CDH17: variants seen among roughly 807,000 people sequenced by gnomAD.
CDH17 encodes cadherin-17.
CDH17 carries 67 observed loss-of-function variants against 86.3 expected under a neutral mutation model. That is an observed-to-expected ratio of 0.78 (90% CI 0.64 to 0.95). CDH17 has a LOEUF of 0.95. Ranked by LOEUF, CDH17 falls within the 40% of genes least tolerant of loss-of-function variation. The pLI is 0.00. For synonymous variants in CDH17, 367 were observed against 366.4 expected (o/e 1.00, Z -0.02); for missense variants, 993 against 1,017.6 (o/e 0.98, Z 0.33).
At chr8:94,158,420 G>A (rs2514806) in intron 12 of CDH17, among the ~76,000 whole-genome samples, 14,635 of 151,944 alleles carry the variant, frequency 0.096, 785 homozygotes, top group Middle Eastern at 0.17. Context: ...ACCACAAATG[G>A]CCAAGTTAAA....
chr8:94,142,974 T>C (rs1215395295), intron 15 of CDH17, among the ~76,000 whole-genome samples: 2 of 152,202 alleles, frequency 1.3e-5, no homozygotes, highest in East Asian at 1.9e-4. Flanking sequence ...TACTAATGTG[T>C]ATATTTCAAC....
At chr8:94,169,117 C>T (rs1381872004) in intron 9 of CDH17, among the ~76,000 whole-genome samples, 2 of 152,152 alleles carry the variant, frequency 1.3e-5, no homozygotes, top group Non-Finnish European at 2.9e-5. Flanking sequence ...GTAAAAGAGG[C>T]TTGAAGTGTC....
At chr8:94,209,161 C>T (rs1454220908), upstream of CDH17, among the ~76,000 whole-genome samples, 2 of 152,120 alleles carry the variant, frequency 1.3e-5, no homozygotes, top group African/African-American at 4.8e-5. Context: ...TTTTCCCCCC[C>T]ACAATTCAGG....
chr8:94,181,947 G>A (rs1036876877), intron 3 of CDH17, among the ~76,000 whole-genome samples: 1 of 152,018 alleles, frequency 6.6e-6, no homozygotes, highest in Non-Finnish European at 1.5e-5. Flanking sequence ...AGGAATATAA[G>A]AGGACTACTA....
In CDH17 at chr8:94,128,212, A is replaced by G; in HGVS notation, c.*28T>C. 2.8e-6 allele frequency: 4 copies of G among 1,409,306 alleles called. No homozygotes were observed. The highest frequency in any genetic ancestry group is 2.3e-5 in the East Asian group (1 of 43,888). The allele number at this position is 1,409,306 out of a possible 1,614,324, so 87.3% of individuals were successfully genotyped here. A position where few individuals can be genotyped will look rare whatever the true frequency, so the allele number is the denominator to read the frequency against. Reference sequence around the variant, plus strand: ...GGTTGTTGCTGAAATAGCACTTGCTATATAAATTCAAACATTCCTTTTCAA... The same window carrying G: ...GGTTGTTGCTGAAATAGCACTTGCTGTATAAATTCAAACATTCCTTTTCAA... On this transcript the variant is annotated 3_prime_UTR_variant, in exon 18 of 18. Transcript: ENST00000027335.
chr8:94,190,450 G>A (rs1055644240), intron 2 of CDH17, among the ~76,000 whole-genome samples: 12 of 152,158 alleles, frequency 7.9e-5, no homozygotes, highest in Non-Finnish European at 1.2e-4. Flanking sequence ...GGGCACCCAC[G>A]GGAAGGGACA....
rs529460810 is a variant in CDH17 at position 94,148,728 on chromosome 8, T to G, written c.1927+16A>C. The G allele has an allele frequency of 1.4e-5, 20 of 1,430,408 alleles. No individual in the cohort carries two copies. Among genetic ancestry groups the G allele is most frequent in the Middle Eastern group, 1.9e-4 (1 of 5,136 alleles). 88.6% of individuals were successfully genotyped at this position (1,430,408 alleles called of 1,614,324 possible). ...CTGTGTTCCTTTTTTTTTGTTTTTTTTTTTTTTTTGCTTACCTACTTCTGT... is the reference window on the plus strand; with the variant it reads ...CTGTGTTCCTTTTTTTTTGTTTTTTGTTTTTTTTTGCTTACCTACTTCTGT... On this transcript the variant is annotated intron_variant, in intron 14 of 17. Coordinates refer to ENST00000027335, the MANE Select transcript of CDH17 (RefSeq NM_004063.4).
At chr8:94,202,573 C>T in intron 1 of CDH17, 1 of 166,538 alleles carries the variant, frequency 6.0e-6, no homozygotes, top group Non-Finnish European at 1.3e-5. Flanking sequence ...TAACAAGCTA[C>T]TGCCCAGCTG....
At chr8:94,145,107 C>G (rs1192585528) in intron 15 of CDH17, among the ~76,000 whole-genome samples, 1 of 152,192 alleles carries the variant, frequency 6.6e-6, no homozygotes, top group Non-Finnish European at 1.5e-5. Flanking sequence ...TCCTTAACAA[C>G]TGAATCATAT....
chr8:94,154,976 C>T (rs1430737226), intron 12 of CDH17, among the ~76,000 whole-genome samples: 1 of 152,110 alleles, frequency 6.6e-6, no homozygotes, highest in Non-Finnish European at 1.5e-5. Context: ...CACCAACACA[C>T]ACCATCATGA....
At chr8:94,189,371 T>C (rs1813642822) in intron 2 of CDH17, 86 bp from the exon 3 acceptor site, 2 of 892,960 alleles carry the variant, frequency 2.2e-6, no homozygotes, top group East Asian at 2.4e-5. Context: ...AGCACCAATA[T>C]ACAAAACATA....
intron 1 of CDH17, among the ~76,000 whole-genome samples, chr8:94,199,083 A>ATATATATATATT (rs1283889347): frequency 4.3e-5 from 1 of 23,232 alleles, no homozygotes; most frequent in African/African-American, 1.1e-4. Context: ...ATATATATAT[A>ATATATATATATT]TTTTTTTTTT....
intron 15 of CDH17, among the ~76,000 whole-genome samples, chr8:94,139,508 T>A (rs925568143): frequency 6.6e-6 from 1 of 152,086 alleles, no homozygotes; most frequent in South Asian, 2.1e-4. Flanking sequence ...TAAAATGCCA[T>A]CAAGGCAATA....
intron 1 of CDH17, among the ~76,000 whole-genome samples, chr8:94,196,271 C>T (rs969055496): frequency 6.6e-6 from 1 of 152,126 alleles, no homozygotes; most frequent in African/African-American, 2.4e-5. Context: ...ATTTTACATG[C>T]CCTACATTTG....
chr8:94,202,189 T>C (rs1405795238), intron 1 of CDH17: 1 of 145,664 alleles, frequency 6.9e-6, no homozygotes, highest in Non-Finnish European at 1.5e-5. Context: ...TTTTTTTTTT[T>C]GAGACAGTCT....
At chr8:94,143,367 C>G (rs1812674594) in intron 15 of CDH17, among the ~76,000 whole-genome samples, 1 of 152,184 alleles carries the variant, frequency 6.6e-6, no homozygotes, top group African/African-American at 2.4e-5. Flanking sequence ...GTCATCTGGG[C>G]TTTGTTGTTC....
In CDH17 at chr8:94,179,977, G is replaced by A. The variant is rs193225557; in HGVS notation, c.151-2256C>T. Among the ~76,000 whole-genome samples the A allele has an allele frequency of 2.5e-3, 387 of 152,174 alleles. 2 individuals are homozygous for A. Among genetic ancestry groups the A allele is most frequent in the African/African-American group, 8.6e-3 (359 of 41,526 alleles). ...AAACTGTCCCTGAGGAAGCCCAGATGTTGGATTTACTAAAGATTTTTAAAA... is the reference window on the plus strand; with the variant it reads ...AAACTGTCCCTGAGGAAGCCCAGATATTGGATTTACTAAAGATTTTTAAAA... On this transcript the variant is annotated intron_variant, in intron 3 of 17. Coordinates refer to ENST00000027335, the MANE Select transcript of CDH17 (RefSeq NM_004063.4).
intron 15 of CDH17, among the ~76,000 whole-genome samples, chr8:94,144,664 GA>G (rs199943393): frequency 0.014 from 2,173 of 151,866 alleles, 64 homozygotes; most frequent in African/African-American, 0.049. Context: ...AATAAAACAT[GA>G]AAAAAATAGA....
At chr8:94,210,550 A>T (rs1364704060), upstream of CDH17, among the ~76,000 whole-genome samples, 1 of 152,220 alleles carries the variant, frequency 6.6e-6, no homozygotes, top group Non-Finnish European at 1.5e-5. Context: ...ATTAAATCCA[A>T]ATGTTAAGAA....
Sources: gnomAD v4.1 joint callset for allele counts (sites outside exome capture counted in the v4.1 genomes callset) on GRCh38, gnomAD v4.1.1 for gene constraint, MANE v1.5 for transcripts, NCBI Gene and HGNC (gene_info 2026-07-23, HGNC 2026-07-21) for gene names.